ADD3: variants seen among roughly 807,000 people sequenced by gnomAD.
ADD3 encodes the protein adducin 3.
In ADD3, 25 loss-of-function variants were observed where a neutral mutation model predicts 80.2. The observed-to-expected ratio is 0.31, with a 90% CI of 0.23 to 0.44. The LOEUF is 0.44. Ranked by LOEUF, ADD3 falls within the 20% of genes least tolerant of loss-of-function variation. ADD3 has a pLI of 1.00. For missense variants in ADD3, 829 were observed against 847.5 expected (o/e 0.98, Z 0.27); for synonymous variants, 284 against 289.6 (o/e 0.98, Z 0.20).
intron 1 of ADD3, among the ~76,000 whole-genome samples, chr10:110,092,487 C>T (rs995371261): frequency 6.6e-6 from 1 of 151,904 alleles, no homozygotes; most frequent in Non-Finnish European, 1.5e-5. Context: ...CCAAATACTG[C>T]ATGTTCTCAC....
At chr10:109,997,927 A>G (rs933448554) in intron 1 of ADD3, among the ~76,000 whole-genome samples, 4 of 152,202 alleles carry the variant, frequency 2.6e-5, no homozygotes, top group Admixed American at 6.5e-5. Context: ...GGCGGTTTTC[A>G]TGTACACTTA....
chr10:110,063,517 G>C (rs939215359), intron 1 of ADD3, among the ~76,000 whole-genome samples: 3 of 151,560 alleles, frequency 2.0e-5, no homozygotes, highest in Non-Finnish European at 4.4e-5. Context: ...CTTTGGTTTT[G>C]TGAGAAAGAG....
chr10:110,082,331 T>A (rs1340482216), intron 1 of ADD3, among the ~76,000 whole-genome samples: 1 of 152,006 alleles, frequency 6.6e-6, no homozygotes, highest in Non-Finnish European at 1.5e-5. Flanking sequence ...AGAAAAAAAA[T>A]GCTTTAATAG....
In ADD3 at chr10:110,119,358, T is replaced by C. The variant is rs768718996; in HGVS notation, c.861+4T>C. The C allele has an allele frequency of 2.7e-5, 44 of 1,613,774 alleles. No individual in the cohort carries two copies. Among genetic ancestry groups the C allele is most frequent in the Non-Finnish European group, 3.6e-5 (42 of 1,179,894 alleles). Reference sequence around the variant, plus strand: ...GGTTCTGGGACCAAGTTGTAAGGTATGTAGTAGAGTTTGTCTAAGGAGCTA... The same window carrying C: ...GGTTCTGGGACCAAGTTGTAAGGTACGTAGTAGAGTTTGTCTAAGGAGCTA... On this transcript the variant is annotated splice_donor_region_variant and intron_variant, in intron 7 of 14. Transcript: ENST00000356080.
chr10:110,064,740 T>C (rs186981114), intron 1 of ADD3, among the ~76,000 whole-genome samples: 1 of 152,354 alleles, frequency 6.6e-6, no homozygotes, highest in Non-Finnish European at 1.5e-5. Context: ...TAAAACACTC[T>C]TATTTTCTAT....
At chr10:110,107,954 T>G (rs2134009560) in intron 2 of ADD3, among the ~76,000 whole-genome samples, 1 of 152,300 alleles carries the variant, frequency 6.6e-6, no homozygotes, top group Non-Finnish European at 1.5e-5. Context: ...TCACAAAATT[T>G]AACAACTACC....
chr10:110,033,718 A>G (rs1231888532), intron 1 of ADD3, among the ~76,000 whole-genome samples: 1 of 152,194 alleles, frequency 6.6e-6, no homozygotes, highest in Non-Finnish European at 1.5e-5. Flanking sequence ...ATATAGTGCA[A>G]ATACTTTGTG....
Position 110,116,244 on chromosome 10 carries a change from T to A in ADD3, c.335-15T>A. ...GCATGACTCGTATCTCTCTCCACAT[T>A]TTTTGCTCTTTTAGGTCTTGGCATG... On this transcript the variant is annotated splice_polypyrimidine_tract_variant and intron_variant, in intron 3 of 14. Coordinates refer to ENST00000356080, the MANE Select transcript of ADD3 (RefSeq NM_016824.5). 6.2e-7 allele frequency: 1 copy of A among 1,612,786 alleles called. No homozygotes were observed. Among genetic ancestry groups the A allele is most frequent in the Admixed American group, 1.7e-5 (1 of 59,854 alleles).
At chr10:110,051,011 T>C (rs1164236319) in intron 1 of ADD3, among the ~76,000 whole-genome samples, 1 of 152,194 alleles carries the variant, frequency 6.6e-6, no homozygotes, top group African/African-American at 2.4e-5. Context: ...AACTCACATA[T>C]ACAGTCAATT....
chr10:110,010,611 T>C (rs940782218), intron 1 of ADD3, among the ~76,000 whole-genome samples: 4 of 152,210 alleles, frequency 2.6e-5, no homozygotes, highest in Non-Finnish European at 5.9e-5. Flanking sequence ...TCAGCAAATA[T>C]TTGTAATAGC....
chr10:110,117,306 C>T, intron 4 of ADD3, 36 bp from the exon 5 acceptor site: 1 of 1,079,038 alleles, frequency 9.3e-7, no homozygotes, highest in Non-Finnish European at 1.4e-6. Context: ...AAATATGAAC[C>T]ACTTCATAGT....
At chr10:110,040,936 C>T (rs1210353429) in intron 1 of ADD3, among the ~76,000 whole-genome samples, 1 of 101,974 alleles carries the variant, frequency 9.8e-6, no homozygotes, top group Non-Finnish European at 2.1e-5. Flanking sequence ...CTCGCTCTCT[C>T]TCTCTCTCGC....
At chr10:110,042,883 T>C (rs1036783762) in intron 1 of ADD3, among the ~76,000 whole-genome samples, 7 of 152,214 alleles carry the variant, frequency 4.6e-5, no homozygotes, top group African/African-American at 1.7e-4. Context: ...TTTAAATTAA[T>C]TTTTATTCAA....
chr10:110,080,930 T>A (rs749774510), intron 1 of ADD3, among the ~76,000 whole-genome samples: 2 of 152,242 alleles, frequency 1.3e-5, no homozygotes, highest in African/African-American at 2.4e-5. Flanking sequence ...GTATTTTTGC[T>A]GTATCACACA....
chr10:110,098,831 A>C (rs933174211), intron 1 of ADD3, among the ~76,000 whole-genome samples: 4 of 151,798 alleles, frequency 2.6e-5, no homozygotes, highest in African/African-American at 9.7e-5. Flanking sequence ...GGGTTTCACT[A>C]TGTTGGCCAG....
At chr10:110,080,244 TC>T (rs1378032442) in intron 1 of ADD3, among the ~76,000 whole-genome samples, 3 of 152,136 alleles carry the variant, frequency 2.0e-5, no homozygotes, top group Admixed American at 2.0e-4. Flanking sequence ...TTGGGGTGGG[TC>T]ACCTGACCTC....
intron 1 of ADD3, among the ~76,000 whole-genome samples, chr10:110,083,413 G>A (rs1846313944): frequency 6.6e-6 from 1 of 152,130 alleles, no homozygotes; most frequent in Admixed American, 6.5e-5. Context: ...CTACTCGGGA[G>A]GCTGAGGCAG....
chr10:110,037,900 C>T (rs921634594), intron 1 of ADD3, among the ~76,000 whole-genome samples: 3 of 151,718 alleles, frequency 2.0e-5, no homozygotes, highest in Non-Finnish European at 4.4e-5. Context: ...AACCCCGTCT[C>T]TACTAAAAAA....
chr10:110,003,988 C>T (rs1021549774), upstream of ADD3, among the ~76,000 whole-genome samples: 6 of 151,938 alleles, frequency 3.9e-5, no homozygotes, highest in East Asian at 3.9e-4. Context: ...TTAAAGTATC[C>T]GTTAAGTGCC....
Sources: allele counts gnomAD v4.1 joint callset (sites outside exome capture counted in the v4.1 genomes callset), GRCh38; gene constraint gnomAD v4.1.1; transcripts MANE v1.5; gene names NCBI Gene and HGNC (gene_info 2026-07-23, HGNC 2026-07-21).